The following TRIM37 variants were observed in gnomAD, a reference collection of about 807,000 sequenced individuals.
TRIM37 encodes the protein E3 ubiquitin-protein ligase TRIM37.
In TRIM37, 80 loss-of-function variants were observed where a neutral mutation model predicts 129.8. That is an observed-to-expected ratio of 0.62 (90% confidence interval 0.51 to 0.74). TRIM37 has a LOEUF of 0.74. Among genes scored for constraint, TRIM37 ranks in the 30% least tolerant of loss-of-function variants. TRIM37 has a pLI of 0.00. For synonymous variants in TRIM37, 389 were observed against 387.1 expected, an observed-to-expected ratio of 1.00 and a Z score of -0.06; for missense variants, 1,054 against 1,176.5, an observed-to-expected ratio of 0.90 and a Z score of 1.52.
At chr17:59,066,216 A>G (rs985167486) in intron 9 of TRIM37, among the ~76,000 whole-genome samples, 8 of 152,198 alleles carry the variant, frequency 5.3e-5, no homozygotes, top group Non-Finnish European at 1.2e-4. Flanking sequence ...TAAACCTAGT[A>G]AGAGCTCTAA....
chr17:59,084,192 A>G (rs2043552639), intron 4 of TRIM37, 103 bp from the exon 5 acceptor site: 1 of 862,776 alleles, frequency 1.2e-6, no homozygotes, highest in Non-Finnish European at 1.9e-6. Context: ...AAATGATTAT[A>G]TCTCAAGAAA....
intron 22 of TRIM37, among the ~76,000 whole-genome samples, chr17:59,008,333 A>G (rs1272118607): frequency 6.6e-6 from 1 of 152,216 alleles, no homozygotes; most frequent in African/African-American, 2.4e-5. Context: ...CCCCACATAT[A>G]AAGATAAAAT....
the TRIM37 span, among the ~76,000 whole-genome samples, chr17:58,976,928 G>C: frequency 6.6e-6 from 1 of 152,168 alleles, no homozygotes; most frequent in Non-Finnish European, 1.5e-5. Flanking sequence ...TAGTCAGGTA[G>C]AATAGGGGAT....
intron 2 of TRIM37, among the ~76,000 whole-genome samples, chr17:59,092,032 A>C (rs1002993453): frequency 1.3e-4 from 20 of 152,022 alleles, no homozygotes; most frequent in Non-Finnish European, 2.2e-4. Context: ...AGTTACATAC[A>C]TTATAGACAT....
intron 22 of TRIM37, among the ~76,000 whole-genome samples, chr17:59,002,066 A>T (rs936180506): frequency 2.0e-5 from 3 of 152,096 alleles, no homozygotes; most frequent in African/African-American, 7.2e-5. Flanking sequence ...GAACTCTTTT[A>T]ATCCTGATTC....
chr17:59,079,759 A>G lies in TRIM37; in HGVS notation c.611T>C (p.Leu204Pro), dbSNP rs1312525142. Residue 204 changes from leucine to proline, a missense_variant, in exon 7 of 24, where the codon CTG (leucine) becomes CCG (proline). Leu to Pro is a moderately conservative substitution (Grantham distance 98, BLOSUM62 -3). This residue lies in a region of TRIM37 where 752 missense variants were observed against 870.8 expected (regional missense o/e 0.86). Coordinates refer to ENST00000262294, the MANE Select transcript of TRIM37 (RefSeq NM_015294.6). ...DTQLKNKLIT[L>P]MGQKTSLTQE... ...CAGCATACATAAACACTTACCCATC[A>G]GTGTTATAAGCTTATTCTTCAGCTG... 1.2e-6 allele frequency: 2 copies of G among 1,614,008 alleles called. No individual in the cohort carries two copies. The highest frequency in any genetic ancestry group is 2.2e-5 in the East Asian group (1 of 44,858).
intron 13 of TRIM37, among the ~76,000 whole-genome samples, chr17:59,054,460 C>T (rs2040641308): frequency 6.6e-6 from 1 of 151,894 alleles, no homozygotes; most frequent in Admixed American, 6.6e-5. Context: ...TGCCACCATG[C>T]CCAGCTAATT....
chr17:59,002,842 G>A (rs2033951522), intron 22 of TRIM37, among the ~76,000 whole-genome samples: 1 of 151,952 alleles, frequency 6.6e-6, no homozygotes, highest in African/African-American at 2.4e-5. Flanking sequence ...CACAGAAAGG[G>A]AATTAAAAGT....
At chr17:59,069,951 T>C (rs1157024436) in intron 9 of TRIM37, among the ~76,000 whole-genome samples, 3 of 152,250 alleles carry the variant, frequency 2.0e-5, no homozygotes, top group East Asian at 3.8e-4. Context: ...GACACCCTGA[T>C]CTTGGAATTC....
rs1046748641 is a variant in TRIM37, at chr17:58,999,316, A to G, written c.*61T>C. 1.9e-5 allele frequency: 30 copies of G among 1,612,462 alleles called. No individual in the cohort carries two copies. The highest frequency in any genetic ancestry group is 2.5e-5 in the Non-Finnish European group (29 of 1,179,394). On this transcript the variant is annotated 3_prime_UTR_variant, in exon 24 of 24. Coordinates refer to ENST00000262294, the MANE Select transcript of TRIM37 (RefSeq NM_015294.6). ...TATCTGACTGATGACAAATTTGAGC[A>G]CCAACTACAGCAAAATTCAGGGTCA...
downstream of TRIM37, chr17:58,979,860 A>G (rs1196990076): frequency 1.2e-6 from 1 of 805,038 alleles, no homozygotes; most frequent in African/African-American, 1.7e-5. Flanking sequence ...TTTCCAGTCA[A>G]GTCAGTTCAC....
At chr17:59,012,728 T>C (rs778407871) in intron 21 of TRIM37, among the ~76,000 whole-genome samples, 2 of 151,766 alleles carry the variant, frequency 1.3e-5, no homozygotes, top group Non-Finnish European at 2.9e-5. Flanking sequence ...AATACAAAAA[T>C]TAGCCAGATA....
At chr17:59,023,068 CTTTT>C (rs1732436422) in intron 19 of TRIM37, among the ~76,000 whole-genome samples, 2 of 151,910 alleles carry the variant, frequency 1.3e-5, no homozygotes, top group South Asian at 2.1e-4. Context: ...TACCTTTTAA[CTTTT>C]TTATTTATTT....
intron 5 of TRIM37, among the ~76,000 whole-genome samples, chr17:59,083,620 G>T (rs139753800): frequency 6.6e-6 from 1 of 152,026 alleles, no homozygotes; most frequent in African/African-American, 2.4e-5. Flanking sequence ...CTAGATAGGC[G>T]TACTCATGTT....
intron 24 of TRIM37, among the ~76,000 whole-genome samples, chr17:58,988,079 G>C (rs1259647491): frequency 6.6e-6 from 1 of 152,220 alleles, no homozygotes; most frequent in Non-Finnish European, 1.5e-5. Context: ...TGCAAGGGGA[G>C]AGAAGACATT....
At chr17:59,101,671 A>AT (rs1407326100) in intron 2 of TRIM37, among the ~76,000 whole-genome samples, 39 of 117,846 alleles carry the variant, frequency 3.3e-4, no homozygotes, top group Non-Finnish European at 4.9e-4. Flanking sequence ...AAAAAAAAAA[A>AT]AAAAAAATAT....
intron 2 of TRIM37, among the ~76,000 whole-genome samples, chr17:59,094,141 G>A (rs757717098): frequency 6.6e-6 from 1 of 152,044 alleles, no homozygotes; most frequent in Non-Finnish European, 1.5e-5. Flanking sequence ...TGATCTGCCC[G>A]CCTGGGCCTC....
At position 58,999,051 on chromosome 17, in the gene TRIM37, G is replaced by A. The variant is rs2033329553; in HGVS notation, c.*326C>T. ...TTACTGACGGCATGCAGGGCCTGGA[G>A]GTACATTTTCTGGCAGTTAACCAGC... is the stretch of plus-strand genomic sequence containing the variant. On this transcript the variant is annotated 3_prime_UTR_variant, in exon 24 of 24. Transcript: ENST00000262294. The A allele has an allele frequency of 2.6e-6, 3 of 1,168,020 alleles. No homozygotes were observed. In the South Asian group the frequency reaches 5.8e-5, roughly 23 times the overall value. The allele number at this position is 1,168,020 out of a possible 1,614,324, so 72.4% of individuals were successfully genotyped here.
Position 59,017,389 on chromosome 17 carries a change from G to C in TRIM37, c.2293C>G (p.Arg765Gly). The change falls in exon 20 of 24, where the codon CGA (arginine) becomes GGA (glycine). Residue 765 changes from arginine to glycine, a missense_variant. Around this residue, in one of 3 missense-constraint regions of TRIM37, gnomAD observed 287 missense variants for 274.3 expected, o/e 1.05. Coordinates refer to ENST00000262294, the MANE Select transcript of TRIM37 (RefSeq NM_015294.6). ...NKKSNSPKPA[R>G]SSVAGSLSLR... Reference sequence around the variant, plus strand: ...GATAGACTACCTGCTACACTGGATCGAGCTGGCTTGGGCGAATTACTCTTC... The same window carrying C: ...GATAGACTACCTGCTACACTGGATCCAGCTGGCTTGGGCGAATTACTCTTC... 5 of 1,614,030 alleles carry C rather than the reference G, an allele frequency of 3.1e-6. No individual in the cohort carries two copies. Among genetic ancestry groups the C allele is most frequent in the Non-Finnish European group, 4.2e-6 (5 of 1,180,004 alleles).
Sources: gnomAD v4.1 joint callset for allele counts (sites outside exome capture counted in the v4.1 genomes callset) on GRCh38, gnomAD v4.1.1 for gene constraint, gnomAD v4.1.1 regional missense constraint, MANE v1.5 for transcripts, NCBI Gene and HGNC (gene_info 2026-07-23, HGNC 2026-07-21) for gene names.